ENOX1: variants seen among roughly 807,000 people sequenced by gnomAD.
ENOX1 encodes candidate growth-related and time keeping constitutive hydroquinone (NADH) oxidase.
Under a neutral mutation model 82.5 loss-of-function variants are expected in ENOX1, and 42 were observed. The observed-to-expected ratio is 0.51, with a 90% CI of 0.40 to 0.66. The LOEUF (loss-of-function observed/expected upper bound fraction) is 0.66. ENOX1 is among the 30% of genes least tolerant of loss of function. The pLI is 0.00. For synonymous variants in ENOX1, 271 were observed against 282.2 expected (o/e 0.96, Z 0.40); for missense variants, 608 against 811.6 (o/e 0.75, Z 3.05).
intron 1 of ENOX1, among the ~76,000 whole-genome samples, chr13:43,669,107 G>A (rs1227414809): frequency 6.6e-6 from 1 of 152,232 alleles, no homozygotes; most frequent in Non-Finnish European, 1.5e-5. Flanking sequence ...GGCAGGAATA[G>A]CAGAACTGTA....
chr13:43,599,035 A>G (rs999615170), intron 2 of ENOX1, among the ~76,000 whole-genome samples: 19 of 152,176 alleles, frequency 1.2e-4, no homozygotes, highest in Non-Finnish European at 1.0e-4. Context: ...GATGGAGGGA[A>G]GAGGTCTGAA....
At chr13:43,719,121 T>G (rs1381208886) in intron 1 of ENOX1, among the ~76,000 whole-genome samples, 2 of 152,138 alleles carry the variant, frequency 1.3e-5, no homozygotes, top group Non-Finnish European at 2.9e-5. Flanking sequence ...AGCATTTTAA[T>G]TCCCACTGGC....
Position 43,698,324 on chromosome 13 carries a change from T to A in ENOX1, c.-284-30780A>T, listed in dbSNP as rs75602605. ...ACATAAGTACCTTTTGGTAAACACA[T>A]TCAATCTTGACCTGGAAGCTACAGT... On this transcript the variant is annotated intron_variant, in intron 1 of 16. Coordinates refer to ENST00000690772, the MANE Select transcript of ENOX1 (RefSeq NM_001347969.2). 6.9e-4 allele frequency among the ~76,000 whole-genome samples: 105 copies of A among 152,246 alleles called. 1 individual carries two copies. The East Asian group carries it at 0.02, about 29-fold the overall frequency.
rs765210723 is a variant in ENOX1, at chr13:43,484,075, AT to A, written c.-142del. On this transcript the variant is annotated 5_prime_UTR_variant, in exon 3 of 17. An upstream start codon of the reference 5' UTR is lost. Coordinates refer to ENST00000690772, the MANE Select transcript of ENOX1 (RefSeq NM_001347969.2). ...GGGACTTGATTGAAACCATGTATTC[AT>A]AAAAGTCTTTTAAATGGATGCTCTT... The A allele has an allele frequency of 3.9e-5, 38 of 985,440 alleles. No individual in the cohort carries two copies. Among genetic ancestry groups the A allele is most frequent in the Non-Finnish European group, 4.5e-5 (37 of 829,938 alleles). 61.0% of individuals were successfully genotyped at this position (985,440 alleles called of 1,614,324 possible).
chr13:43,564,283 CAG>C (rs1451649576), intron 2 of ENOX1, among the ~76,000 whole-genome samples: 3 of 151,984 alleles, frequency 2.0e-5, no homozygotes, highest in African/African-American at 4.8e-5. Flanking sequence ...AAGCATTCTA[CAG>C]AGTCAATACA....
chr13:43,326,611 T>C (rs899937126), intron 9 of ENOX1, 86 bp from the exon 10 acceptor site: 15 of 1,033,574 alleles, frequency 1.5e-5, no homozygotes, highest in Non-Finnish European at 2.3e-5. Flanking sequence ...TAGGAGTCTA[T>C]GGATGATGTC....
rs1371272066 is a variant in ENOX1, at chr13:43,359,834, T to C, written c.589+17A>G. 1.2e-6 allele frequency: 2 copies of C among 1,610,358 alleles called. No homozygotes were observed. The highest frequency in any genetic ancestry group is 1.7e-6 in the Non-Finnish European group (2 of 1,176,704). ...ATAACAAAATGCCTAGAAAACTCCT[T>C]ATGTAATGCAAAGTACCAGAAAGGT... On this transcript the variant is annotated intron_variant, in intron 7 of 16. Transcript: ENST00000690772.
rs980378577 is a variant in ENOX1, at chr13:43,225,662, G to T, written c.1715-1524C>A. 6.6e-5 allele frequency among the ~76,000 whole-genome samples: 10 copies of T among 152,126 alleles called. No homozygotes were observed. The East Asian group carries it at 1.7e-3, about 26-fold the overall frequency. ...TGACCTTGGATTGATCTGCCATAGG[G>T]TTTCATGGCTCCCTGATGCTATGGG... is the stretch of plus-strand genomic sequence containing the variant. On this transcript the variant is annotated intron_variant, in intron 15 of 16. Coordinates refer to ENST00000690772, the MANE Select transcript of ENOX1 (RefSeq NM_001347969.2).
chr13:43,238,960 C>T lies in ENOX1; in HGVS notation c.1612-2222G>A, dbSNP rs145809170. The stretch of plus-strand genomic sequence containing the variant: ...AGGCAAGGGTGGAACAGACAGACCA[C>T]CTGAGAATGCTGTTTTCTCCCCAGG... On this transcript the variant is annotated intron_variant, in intron 14 of 16. Coordinates refer to ENST00000690772, the MANE Select transcript of ENOX1 (RefSeq NM_001347969.2). Among the ~76,000 whole-genome samples the T allele has an allele frequency of 2.2e-4, 33 of 152,166 alleles. No homozygotes were observed. In the East Asian group the frequency reaches 6.4e-3, roughly 29 times the overall value.
rs553504525 is a variant in ENOX1 at position 43,541,173 on chromosome 13, G to GTTTTTT, written c.-218-57027_-218-57022dup. 5.1e-4 allele frequency among the ~76,000 whole-genome samples: 33 copies of GTTTTTT among 64,568 alleles called. 3 individuals carry two copies. Among genetic ancestry groups the GTTTTTT allele is most frequent in the African/African-American group, 1.4e-3 (28 of 20,112 alleles). 42.4% of individuals were successfully genotyped at this position (64,568 alleles called of 152,430 possible). On this transcript the variant is annotated intron_variant, in intron 2 of 16. Transcript: ENST00000690772. ...CTCCAACCTTACACTTCTTCCCTCTGTTTTTTTTTTTTTTTTTTTTTTTTT... is the reference window on the plus strand; with the variant it reads ...CTCCAACCTTACACTTCTTCCCTCTGTTTTTTTTTTTTTTTTTTTTTTTTTTTTTTT...
rs1323622 is a variant in ENOX1 at position 43,479,865 on chromosome 13, G to T, written c.-75+4144C>A. Among the ~76,000 whole-genome samples, 918 of 152,280 alleles carry T rather than the reference G, an allele frequency of 6.0e-3. 27 individuals are homozygous for T. The East Asian group carries it at 0.093, about 15-fold the overall frequency. On this transcript the variant is annotated intron_variant, in intron 3 of 16. Coordinates refer to ENST00000690772, the MANE Select transcript of ENOX1 (RefSeq NM_001347969.2). ...TGAGTCTGGTTATTACAATAACTGGGGTTGGGGGAGATGTTGGCTTTTGGT... is the reference window on the plus strand; with the variant it reads ...TGAGTCTGGTTATTACAATAACTGGTGTTGGGGGAGATGTTGGCTTTTGGT...
chr13:43,451,644 C>T lies in ENOX1; in HGVS notation c.-75+32365G>A, dbSNP rs541934636. 7.2e-5 allele frequency among the ~76,000 whole-genome samples: 11 copies of T among 152,284 alleles called. No homozygotes were observed. The East Asian group carries it at 9.6e-4, about 13-fold the overall frequency. ...ACTAGTGTTTTTATTAAAAAAGATA[C>T]GTACATGTACATGGTAAGATATATA... is the stretch of plus-strand genomic sequence containing the variant. On this transcript the variant is annotated intron_variant, in intron 3 of 16. Coordinates refer to ENST00000690772, the MANE Select transcript of ENOX1 (RefSeq NM_001347969.2).
At chr13:43,650,994 G>A (rs1566708126) in intron 2 of ENOX1, among the ~76,000 whole-genome samples, 1 of 152,060 alleles carries the variant, frequency 6.6e-6, no homozygotes, top group East Asian at 1.9e-4. Flanking sequence ...ACGTCTGAAT[G>A]CCAAAAATGA....
chr13:43,707,178 TTAAA>T (rs1391439611), intron 1 of ENOX1, among the ~76,000 whole-genome samples: 2 of 151,812 alleles, frequency 1.3e-5, no homozygotes, highest in East Asian at 1.9e-4. Flanking sequence ...TAATAAAACA[TTAAA>T]TAGAGAAAAA....
intron 1 of ENOX1, among the ~76,000 whole-genome samples, chr13:43,709,005 T>G (rs1221759923): frequency 6.6e-6 from 1 of 152,138 alleles, no homozygotes; most frequent in Non-Finnish European, 1.5e-5. Flanking sequence ...GGATATAAAA[T>G]TACTGGGGTA....
chr13:43,347,052 A>G (rs926646707), intron 8 of ENOX1, among the ~76,000 whole-genome samples: 15 of 152,160 alleles, frequency 9.9e-5, no homozygotes, highest in African/African-American at 3.4e-4. Context: ...TCTGTCATAT[A>G]CAGGTAGTTT....
intron 3 of ENOX1, among the ~76,000 whole-genome samples, chr13:43,423,544 C>G (rs1387036840): frequency 6.6e-6 from 1 of 152,226 alleles, no homozygotes; most frequent in Non-Finnish European, 1.5e-5. Flanking sequence ...ATGTTTCTGA[C>G]AGGCAACTAT....
intron 2 of ENOX1, among the ~76,000 whole-genome samples, chr13:43,626,518 A>C (rs2082970318): frequency 6.6e-6 from 1 of 151,618 alleles, no homozygotes. Context: ...ATTTTCATTT[A>C]GTTCAATATA....
At chr13:43,414,624 C>T (rs775436807) in intron 3 of ENOX1, among the ~76,000 whole-genome samples, 1 of 152,198 alleles carries the variant, frequency 6.6e-6, no homozygotes, top group Non-Finnish European at 1.5e-5. Context: ...CCACTTCCAA[C>T]CATTTCAGAG....
Sources: gnomAD v4.1 joint callset for allele counts (sites outside exome capture counted in the v4.1 genomes callset) on GRCh38, gnomAD v4.1.1 for gene constraint, MANE v1.5 for transcripts, NCBI Gene and HGNC (gene_info 2026-07-23, HGNC 2026-07-21) for gene names.